EYA3: variants seen among roughly 807,000 people sequenced by gnomAD.
EYA3 encodes protein phosphatase EYA3.
In EYA3, 39 loss-of-function variants were observed where a neutral mutation model predicts 80.0. The observed-to-expected ratio is 0.49, with a 90% CI of 0.38 to 0.64. EYA3 has a LOEUF of 0.64. EYA3 is among the 30% of genes least tolerant of loss of function. The pLI, the probability that EYA3 is intolerant of heterozygous loss-of-function variation, is 0.00. For synonymous variants in EYA3, 206 were observed against 232.8 expected (o/e 0.88, Z 1.05); for missense variants, 523 against 676.1 (o/e 0.77, Z 2.51).
At chr1:28,001,635 G>A (rs1167143274) in intron 11 of EYA3, among the ~76,000 whole-genome samples, 1 of 149,124 alleles carries the variant, frequency 6.7e-6, no homozygotes, top group African/African-American at 2.5e-5. Context: ...GCCACTCAGG[G>A]GACTGAGGCA....
chr1:28,007,007 C>A (rs1459096958), intron 10 of EYA3, among the ~76,000 whole-genome samples: 2 of 129,746 alleles, frequency 1.5e-5, no homozygotes, highest in African/African-American at 5.9e-5. Context: ...GTGGTGCAAT[C>A]TGGGCTCACT....
At chr1:27,989,670 T>C in intron 15 of EYA3, 27 bp downstream of exon 15, 2 of 1,430,696 alleles carry the variant, frequency 1.4e-6, no homozygotes, top group Non-Finnish European at 2.0e-6. Context: ...GCTGAGAGGA[T>C]GAGACCTAAA....
Position 28,038,879 on chromosome 1 carries a change from G to A in EYA3, c.184C>T (p.Arg62Cys), listed in dbSNP as rs201957219. The change falls in exon 5 of 18, where the codon CGC becomes TGC. Residue 62 changes from arginine (R) to cysteine (C), a missense_variant. By Grantham distance (180) the Arg-to-Cys change is radical. Coordinates refer to ENST00000373871, the MANE Select transcript of EYA3 (RefSeq NM_001990.4). ...TGTGAGGTATAATCATTGGATGAGC[G>A]AGGGATGTAATCGGTGCATGTCATA... is the stretch of plus-strand genomic sequence containing the variant. ...EIMTCTDYIP[R>C]SSNDYTSQMY... The A allele has an allele frequency of 1.3e-5, 21 of 1,600,772 alleles. No individual in the cohort carries two copies. Among genetic ancestry groups the A allele is most frequent in the East Asian group, 1.1e-4 (5 of 44,584 alleles).
rs970815706 is a variant in EYA3 at position 28,038,458 on chromosome 1, A to C, written c.224+381T>G. On this transcript the variant is annotated intron_variant, in intron 5 of 17. Transcript: ENST00000373871. ...CTATCTTAAAAAAAAAAAAAAAAAA[A>C]AAAAAACCGAACACAGATTGGACTG... 3.3e-5 allele frequency among the ~76,000 whole-genome samples: 5 copies of C among 151,126 alleles called. No individual in the cohort carries two copies. The South Asian group carries it at 8.4e-4, about 25-fold the overall frequency.
intron 1 of EYA3, among the ~76,000 whole-genome samples, chr1:28,067,777 T>A (rs941663785): frequency 2.6e-5 from 4 of 152,226 alleles, no homozygotes; most frequent in African/African-American, 9.6e-5. Flanking sequence ...AATTTGCTAT[T>A]GGAAGAGACT....
chr1:28,059,223 A>G (rs989233308), intron 1 of EYA3, among the ~76,000 whole-genome samples: 1 of 152,224 alleles, frequency 6.6e-6, no homozygotes, highest in African/African-American at 2.4e-5. Context: ...ACATAAGGTT[A>G]CAATTAGATG....
intron 6 of EYA3, among the ~76,000 whole-genome samples, chr1:28,033,656 TATTA>T (rs1557595700): frequency 3.0e-5 from 4 of 132,182 alleles, no homozygotes; most frequent in African/African-American, 5.4e-5. Context: ...TTATTATTAT[TATTA>T]TTATTATTAT....
chr1:28,009,146 T>C lies in EYA3; in HGVS notation c.909+1801A>G, dbSNP rs961625807. Among the ~76,000 whole-genome samples the C allele has an allele frequency of 5.3e-5, 8 of 152,092 alleles. No homozygotes were observed. Among genetic ancestry groups the C allele is most frequent in the Non-Finnish European group, 1.0e-4 (7 of 68,020 alleles). On this transcript the variant is annotated intron_variant, in intron 10 of 17. Coordinates refer to ENST00000373871, the MANE Select transcript of EYA3 (RefSeq NM_001990.4). The surrounding 1 kb of genome is among the most constrained non-coding windows in gnomAD (Gnocchi z 4.8). ...TCCAGCAATTCCACTCCTACATATA[T>C]ACCAAAAAGAATTGATAAGATGAAC...
At chr1:27,982,676 T>C (rs932020681) in intron 16 of EYA3, among the ~76,000 whole-genome samples, 1 of 152,010 alleles carries the variant, frequency 6.6e-6, no homozygotes, top group Admixed American at 6.6e-5. Context: ...CACTATAATC[T>C]CCGCCTCCTG....
At chr1:28,073,103 T>TTCTCTATATATATATATA (rs1447435853) in intron 1 of EYA3, among the ~76,000 whole-genome samples, 3 of 37,762 alleles carry the variant, frequency 7.9e-5, no homozygotes, top group Non-Finnish European at 1.3e-4. Context: ...GATGAAACTA[T>TTCTCTATATATATATATA]TATATATATA....
chr1:28,049,992 C>T (rs1196848317), intron 2 of EYA3, among the ~76,000 whole-genome samples: 1 of 151,724 alleles, frequency 6.6e-6, no homozygotes, highest in Non-Finnish European at 1.5e-5. Context: ...GCTGAGTAAC[C>T]AAAACAGTCT....
intron 7 of EYA3, among the ~76,000 whole-genome samples, chr1:28,018,047 G>A (rs1427908592): frequency 6.6e-6 from 1 of 151,632 alleles, no homozygotes; most frequent in African/African-American, 2.4e-5. Flanking sequence ...ATATAAAAAT[G>A]AACTGGGTAT....
intron 16 of EYA3, among the ~76,000 whole-genome samples, chr1:27,982,557 CT>C (rs1290530198): frequency 6.6e-6 from 1 of 151,150 alleles, no homozygotes; most frequent in Non-Finnish European, 1.5e-5. Flanking sequence ...ATATTACATA[CT>C]GTACATTTAT....
chr1:28,027,568 A>C (rs1013306006), intron 7 of EYA3, among the ~76,000 whole-genome samples: 13 of 152,188 alleles, frequency 8.5e-5, no homozygotes, highest in Non-Finnish European at 1.3e-4. Context: ...CAATTCTATT[A>C]AGCAGCTCAC....
intron 8 of EYA3, among the ~76,000 whole-genome samples, chr1:28,016,680 G>A (rs1642093462): frequency 6.6e-6 from 1 of 152,020 alleles, no homozygotes; most frequent in Non-Finnish European, 1.5e-5. Context: ...CTAGAACACT[G>A]AAGGTGTTAC....
intron 4 of EYA3, among the ~76,000 whole-genome samples, chr1:28,039,563 T>C (rs1643657115): frequency 6.6e-6 from 1 of 152,166 alleles, no homozygotes; most frequent in African/African-American, 2.4e-5. Flanking sequence ...CATGACTTCA[T>C]CTGGAATAGC....
At chr1:28,001,462 T>G (rs956836819) in intron 11 of EYA3, among the ~76,000 whole-genome samples, 1 of 144,396 alleles carries the variant, frequency 6.9e-6, no homozygotes, top group Non-Finnish European at 1.5e-5. Flanking sequence ...TATAAAATTT[T>G]TTTTTGCCAG....
chr1:28,019,766 G>A (rs984825195), intron 7 of EYA3, among the ~76,000 whole-genome samples: 3 of 151,882 alleles, frequency 2.0e-5, no homozygotes, highest in Non-Finnish European at 4.4e-5. Context: ...TGCAATGGTA[G>A]TCTCGGCTCA....
chr1:27,988,808 T>A (rs1243516554), intron 15 of EYA3, 152 bp from the exon 16 acceptor site: 2 of 786,844 alleles, frequency 2.5e-6, no homozygotes, highest in East Asian at 2.8e-5. Flanking sequence ...CAGCTACTAC[T>A]CATTATTTCA....
Sources: allele counts gnomAD v4.1 joint callset (sites outside exome capture counted in the v4.1 genomes callset), GRCh38; gene constraint gnomAD v4.1.1; non-coding constraint Gnocchi (gnomAD v3.1); transcripts MANE v1.5; gene names NCBI Gene and HGNC (gene_info 2026-07-23, HGNC 2026-07-21).